Variants in MDGA1 observed in about 807,000 individuals in gnomAD.
MDGA1 encodes MAM domain containing glycosylphosphatidylinositol anchor 1.
A neutral mutation model predicts 101.5 loss-of-function variants in MDGA1; 54 were observed. That is an observed-to-expected ratio of 0.53 (90% confidence interval 0.43 to 0.67). The LOEUF is 0.67. Ranked by LOEUF, MDGA1 falls within the 30% of genes least tolerant of loss-of-function variation. The pLI is 0.00. For missense variants in MDGA1, 1,083 were observed against 1,323.8 expected (o/e 0.82, Z 2.82); for synonymous variants, 533 against 558.3 (o/e 0.95, Z 0.64).
Position 37,650,285 on chromosome 6 carries a change from A to C in MDGA1, c.1433T>G (p.Val478Gly), listed in dbSNP as rs766568940. ...GGGCAGCAGTGCAGCCTCCTTGTCC[A>C]CGCGGGACCAGAGCACTGGCGGCCG... ...KPRPPVLWSR[V>G]DKEAALLPSG... is the part of the protein sequence containing the mutation. Residue 478 changes from valine (V) to glycine (G), a missense_variant, in exon 8 of 17, where the codon GTG becomes GGG. Physicochemically the swap from Val to Gly is moderately radical, Grantham distance 109. Coordinates refer to ENST00000434837, the MANE Select transcript of MDGA1 (RefSeq NM_153487.4). 1.2e-5 allele frequency: 19 copies of C among 1,605,648 alleles called. No homozygotes were observed. Among genetic ancestry groups the C allele is most frequent in the South Asian group, 2.2e-5 (2 of 90,088 alleles).
intron 1 of MDGA1, among the ~76,000 whole-genome samples, chr6:37,668,968 C>T (rs1761813851): frequency 6.6e-6 from 1 of 152,202 alleles, no homozygotes; most frequent in Non-Finnish European, 1.5e-5. Flanking sequence ...CTGCCTCAGC[C>T]TCCCGAGTAG....
chr6:37,647,245 G>C lies in MDGA1; in HGVS notation c.1974C>G (p.Tyr658Ter). ...RSHKLSKNYS[Y>*]VLQWTQREPD... ...GCTCCCTCTGAGTCCACTGCAGCAC[G>C]TAGGAGTAGTTCTTGGACAGCTTGT... Residue 658 changes from tyrosine (Y) to a stop codon, truncating the protein, a stop_gained, in exon 10 of 17, where the codon TAC becomes TAG. Transcript: ENST00000434837. LOFTEE classifies it high-confidence loss of function. 1 of 1,581,758 alleles carries C rather than the reference G, an allele frequency of 6.3e-7. No individual in the cohort carries two copies. The highest frequency in any genetic ancestry group is 1.8e-5 in the Admixed American group (1 of 54,518).
intron 1 of MDGA1, among the ~76,000 whole-genome samples, chr6:37,671,938 C>G (rs182450128): frequency 6.6e-6 from 1 of 152,040 alleles, no homozygotes; most frequent in African/African-American, 2.4e-5. Flanking sequence ...CTCAGGAGTT[C>G]GAGACCAGCC....
intron 1 of MDGA1, 91 bp from the exon 2 acceptor site, chr6:37,664,197 G>A: frequency 6.6e-7 from 1 of 1,511,436 alleles, no homozygotes. Flanking sequence ...TCTGGGAGGG[G>A]TCAGCCCAGA....
chr6:37,684,947 C>G (rs1470526253), intron 1 of MDGA1, among the ~76,000 whole-genome samples: 1 of 152,142 alleles, frequency 6.6e-6, no homozygotes, highest in Non-Finnish European at 1.5e-5. Flanking sequence ...ATTTCCCCAT[C>G]TCTATCTGCC....
chr6:37,687,640 T>C (rs146180488), intron 1 of MDGA1, among the ~76,000 whole-genome samples: 2 of 152,218 alleles, frequency 1.3e-5, no homozygotes, highest in East Asian at 3.9e-4. Flanking sequence ...TCACTTTCTT[T>C]GGTTTTTTTG....
chr6:37,647,751 G>C (rs1190074376), intron 9 of MDGA1, among the ~76,000 whole-genome samples: 1 of 152,012 alleles, frequency 6.6e-6, no homozygotes, highest in Non-Finnish European at 1.5e-5. Context: ...TGGGGAGACA[G>C]GGAAAGTGTG....
chr6:37,678,074 TAAG>T (rs1762019063), intron 1 of MDGA1, among the ~76,000 whole-genome samples: 3 of 152,136 alleles, frequency 2.0e-5, no homozygotes, highest in African/African-American at 7.2e-5. Context: ...AGCAGAAATG[TAAG>T]GAGGACCTCA....
Position 37,649,090 on chromosome 6 carries a change from C to A in MDGA1, c.1786G>T (p.Asp596Tyr). The part of the protein sequence containing the change: ...PVVPAAAEAP[D>Y]HAELRLDAVT... ...GCGTCGAGGCGCAGCTCCGCGTGAT[C>A]CGGCGCCTCGGCGGCGGCGGGAACA... The change falls in exon 9 of 17, where the codon GAT (aspartate) becomes TAT (tyrosine). Residue 596 changes from aspartate (D) to tyrosine (Y), a missense_variant. Coordinates refer to ENST00000434837, the MANE Select transcript of MDGA1 (RefSeq NM_153487.4). 6.5e-7 allele frequency: 1 copy of A among 1,526,938 alleles called. No individual in the cohort carries two copies. The highest frequency in any genetic ancestry group is 8.8e-7 in the Non-Finnish European group (1 of 1,138,580). 94.6% of individuals were successfully genotyped at this position (1,526,938 alleles called of 1,614,324 possible). A position where few individuals can be genotyped will look rare whatever the true frequency, so the allele number is the denominator to read the frequency against.
At chr6:37,694,864 A>T (rs902103698) in intron 1 of MDGA1, among the ~76,000 whole-genome samples, 4 of 152,110 alleles carry the variant, frequency 2.6e-5, no homozygotes, top group Admixed American at 2.6e-4. Flanking sequence ...AATGGGACCT[A>T]GGCACAGGCG....
At position 37,635,082 on chromosome 6, in the gene MDGA1, T is replaced by C; in HGVS notation, c.*2286A>G. The C allele has an allele frequency of 6.0e-6, 1 of 166,294 alleles. No homozygotes were observed. Among genetic ancestry groups the C allele is most frequent in the Non-Finnish European group, 1.3e-5 (1 of 77,840 alleles). 10.3% of individuals were successfully genotyped at this position (166,294 alleles called of 1,614,324 possible). On this transcript the variant is annotated 3_prime_UTR_variant, in exon 17 of 17. Coordinates refer to ENST00000434837, the MANE Select transcript of MDGA1 (RefSeq NM_153487.4). The stretch of plus-strand genomic sequence containing the variant: ...CACCCAGGTGGTGCCAGGCCAGTGG[T>C]TCCTGCTGTCAGGAGAACCCAAGGA...
chr6:37,647,771 G>C (rs1209255376), intron 9 of MDGA1, among the ~76,000 whole-genome samples: 1 of 152,062 alleles, frequency 6.6e-6, no homozygotes, highest in Admixed American at 6.5e-5. Context: ...GGGAGAACAG[G>C]GGAGAAGGGA....
rs1239976700 is a variant in MDGA1, at chr6:37,650,249, G to A, written c.1469C>T (p.Pro490Leu). 6.2e-7 allele frequency: 1 copy of A among 1,610,260 alleles called. No homozygotes were observed. Among genetic ancestry groups the A allele is most frequent in the African/African-American group, 1.3e-5 (1 of 75,022 alleles). The change falls in exon 8 of 17, where the codon CCC (proline) becomes CTC (leucine). Residue 490 changes from proline (P) to leucine (L), a missense_variant. Pro to Leu is a moderately conservative substitution (Grantham distance 98, BLOSUM62 -3). Transcript: ENST00000434837. ...KEAALLPSGLPLEETPDGKLR... is the reference protein window; with the variant it reads ...KEAALLPSGLLLEETPDGKLR... The stretch of plus-strand genomic sequence containing the variant: ...CTTCCCGTCCGGAGTCTCCTCCAGG[G>A]GCAGCCCCGAGGGCAGCAGTGCAGC...
chr6:37,675,611 T>C (rs1053218465), intron 1 of MDGA1, among the ~76,000 whole-genome samples: 1 of 152,162 alleles, frequency 6.6e-6, no homozygotes, highest in Non-Finnish European at 1.5e-5. Context: ...GGAAAAGCTC[T>C]CCCTGTGAGA....
At chr6:37,693,673 G>A (rs1762360008) in intron 1 of MDGA1, among the ~76,000 whole-genome samples, 1 of 152,202 alleles carries the variant, frequency 6.6e-6, no homozygotes, top group South Asian at 2.1e-4. Flanking sequence ...TCCATCACTT[G>A]GCTACTGCCT....
In MDGA1 at chr6:37,654,952, T is replaced by G. The variant is rs780663354; in HGVS notation, c.580-20A>C. On this transcript the variant is annotated intron_variant, in intron 4 of 16. Coordinates refer to ENST00000434837, the MANE Select transcript of MDGA1 (RefSeq NM_153487.4). ...CTCCCCCTGGGCAGCAGTGGACCAC[T>G]GGGGTGAGGTGCCTGCTTGAGTCTC... 3 of 1,611,766 alleles carry G rather than the reference T, an allele frequency of 1.9e-6. No individual in the cohort carries two copies. The highest frequency in any genetic ancestry group is 2.5e-6 in the Non-Finnish European group (3 of 1,179,450).
rs1016018414 is a variant in MDGA1 at position 37,696,444 on chromosome 6, C to A, written c.67+301G>T. On this transcript the variant is annotated intron_variant, in intron 1 of 16. Coordinates refer to ENST00000434837, the MANE Select transcript of MDGA1 (RefSeq NM_153487.4). The surrounding 1 kb of genome is among the most constrained non-coding windows in gnomAD (Gnocchi z 5.6). Reference sequence around the variant, plus strand: ...GCACCAGTCCTAGACTGGGTCTGTCCGGGTCTCCCGAGCCGACCGGGTGCT... The same window carrying A: ...GCACCAGTCCTAGACTGGGTCTGTCAGGGTCTCCCGAGCCGACCGGGTGCT... Among the ~76,000 whole-genome samples, 3 of 152,184 alleles carry A rather than the reference C, an allele frequency of 2.0e-5. No individual in the cohort carries two copies. Among genetic ancestry groups the A allele is most frequent in the African/African-American group, 7.2e-5 (3 of 41,458 alleles).
At chr6:37,645,029 T>G (rs1052634030) in intron 12 of MDGA1, among the ~76,000 whole-genome samples, 1 of 152,262 alleles carries the variant, frequency 6.6e-6, no homozygotes, top group African/African-American at 2.4e-5. Flanking sequence ...AATCACAAGA[T>G]CTAGTGTTAG....
chr6:37,638,452 G>A lies in MDGA1; in HGVS notation c.2667+85C>T. ...GACTCTTTCCATCCTTAGCCCCCAG[G>A]AAGAAGGACAAGGTTTTCCTAAGTG... On this transcript the variant is annotated intron_variant, in intron 15 of 16. Coordinates refer to ENST00000434837, the MANE Select transcript of MDGA1 (RefSeq NM_153487.4). The surrounding 1 kb of genome is among the most constrained non-coding windows in gnomAD (Gnocchi z 4.8). 6.3e-7 allele frequency: 1 copy of A among 1,586,910 alleles called. No homozygotes were observed. Among genetic ancestry groups the A allele is most frequent in the Non-Finnish European group, 8.6e-7 (1 of 1,162,288 alleles).
Sources: gnomAD v4.1 joint callset for allele counts (sites outside exome capture counted in the v4.1 genomes callset) on GRCh38, gnomAD v4.1.1 for gene constraint, Gnocchi (gnomAD v3.1) non-coding constraint, MANE v1.5 for transcripts, NCBI Gene and HGNC (gene_info 2026-07-23, HGNC 2026-07-21) for gene names.